SLC26A7: variants seen among roughly 807,000 people sequenced by gnomAD.
SLC26A7 encodes solute carrier family 26 member 7.
In SLC26A7, 59 loss-of-function variants were observed where a neutral mutation model predicts 82.5. The ratio of observed to expected loss-of-function variants is 0.72; its 90% CI spans 0.58 to 0.89. SLC26A7 has a LOEUF of 0.89. Among genes scored for constraint, SLC26A7 ranks in the 40% least tolerant of loss-of-function variants. SLC26A7 has a pLI of 0.00. For missense variants in SLC26A7, 820 were observed against 793.0 expected (o/e 1.03, Z -0.41); for synonymous variants, 271 against 274.3 (o/e 0.99, Z 0.12).
At chr8:91,364,682 T>G (rs995010264) in intron 13 of SLC26A7, among the ~76,000 whole-genome samples, 3 of 152,200 alleles carry the variant, frequency 2.0e-5, no homozygotes, top group African/African-American at 7.2e-5. Flanking sequence ...GCTTTGGATT[T>G]GACTATTTTC....
intron 11 of SLC26A7, among the ~76,000 whole-genome samples, chr8:91,359,876 A>G (rs1294309137): frequency 2.2e-5 from 3 of 139,390 alleles, no homozygotes; most frequent in South Asian, 2.2e-4. Context: ...TATCCAAGAT[A>G]TGTGTGTGTG....
At chr8:91,284,112 G>A (rs1811648155) in intron 2 of SLC26A7, among the ~76,000 whole-genome samples, 1 of 152,146 alleles carries the variant, frequency 6.6e-6, no homozygotes. Flanking sequence ...CAAACTAAAA[G>A]TTTTCCGTTT....
At chr8:91,363,339 T>A in intron 12 of SLC26A7, 133 bp from the exon 13 acceptor site, 1 of 517,564 alleles carries the variant, frequency 1.9e-6, no homozygotes, top group Non-Finnish European at 3.4e-6. Flanking sequence ...TGTCCTCTTA[T>A]GAACAAATGA....
intron 2 of SLC26A7, among the ~76,000 whole-genome samples, chr8:91,240,597 A>G (rs1331554246): frequency 6.6e-6 from 1 of 152,156 alleles, no homozygotes; most frequent in Non-Finnish European, 1.5e-5. Flanking sequence ...TGTCTGAGTT[A>G]TACTTGGGCA....
intron 3 of SLC26A7, among the ~76,000 whole-genome samples, chr8:91,293,598 C>T (rs192080781): frequency 1.8e-4 from 28 of 152,290 alleles, no homozygotes; most frequent in Middle Eastern, 3.4e-3. Flanking sequence ...ATGACTCACA[C>T]GCAGGTGAAG....
intron 5 of SLC26A7, among the ~76,000 whole-genome samples, chr8:91,325,309 A>G (rs1812902356): frequency 6.6e-6 from 1 of 151,350 alleles, no homozygotes; most frequent in Non-Finnish European, 1.5e-5. Flanking sequence ...TAATTCCCCT[A>G]CTCTTCTAGG....
intron 2 of SLC26A7, among the ~76,000 whole-genome samples, chr8:91,257,873 G>A (rs1422970174): frequency 6.6e-6 from 1 of 152,084 alleles, no homozygotes; most frequent in Non-Finnish European, 1.5e-5. Context: ...ATTTAGAAAA[G>A]AGGTTTGATT....
At chr8:91,311,220 C>A (rs1245979055) in intron 4 of SLC26A7, among the ~76,000 whole-genome samples, 1 of 152,110 alleles carries the variant, frequency 6.6e-6, no homozygotes, top group Non-Finnish European at 1.5e-5. Flanking sequence ...TCTTTTGCCA[C>A]CCACTTCAGT....
intron 5 of SLC26A7, among the ~76,000 whole-genome samples, chr8:91,323,421 G>A (rs1377682726): frequency 2.0e-5 from 3 of 152,090 alleles, no homozygotes. Context: ...ACAATTCACT[G>A]AAAAATGCAT....
At chr8:91,360,461 G>T (rs1814018611) in intron 11 of SLC26A7, among the ~76,000 whole-genome samples, 1 of 152,006 alleles carries the variant, frequency 6.6e-6, no homozygotes, top group Non-Finnish European at 1.5e-5. Flanking sequence ...AATGCTGTTG[G>T]GATTTATTCT....
intron 2 of SLC26A7, among the ~76,000 whole-genome samples, chr8:91,220,168 C>T (rs1810135544): frequency 6.6e-6 from 1 of 152,034 alleles, no homozygotes; most frequent in South Asian, 2.1e-4. Context: ...GAGATGGGGC[C>T]TCAAGGTAAC....
chr8:91,219,280 T>G (rs1316729579), intron 2 of SLC26A7: 5 of 243,412 alleles, frequency 2.1e-5, no homozygotes, highest in African/African-American at 8.9e-5. Flanking sequence ...TGCTGTTTTA[T>G]GACTACCACT....
Position 91,388,153 on chromosome 8 carries a change from C to A in SLC26A7, c.1676-1185C>A, listed in dbSNP as rs150341897. Among the ~76,000 whole-genome samples, 631 of 152,180 alleles carry A rather than the reference C, an allele frequency of 4.1e-3. 7 individuals are homozygous for A. Among genetic ancestry groups the A allele is most frequent in the African/African-American group, 0.014 (600 of 41,518 alleles). ...GCAGGATTTTTGTTTTTTTTAGAGACGGAGTCTTGCTCTGTTGCCCAGACT... is the reference window on the plus strand; with the variant it reads ...GCAGGATTTTTGTTTTTTTTAGAGAAGGAGTCTTGCTCTGTTGCCCAGACT... On this transcript the variant is annotated intron_variant, in intron 15 of 18. Coordinates refer to ENST00000276609, the MANE Select transcript of SLC26A7 (RefSeq NM_052832.4).
At chr8:91,338,911 A>G (rs954573762) in intron 7 of SLC26A7, among the ~76,000 whole-genome samples, 1 of 152,180 alleles carries the variant, frequency 6.6e-6, no homozygotes, top group African/African-American at 2.4e-5. Flanking sequence ...CAAAGTTACA[A>G]TTGTTGAATC....
intron 4 of SLC26A7, among the ~76,000 whole-genome samples, chr8:91,317,979 A>C (rs1812687077): frequency 6.8e-6 from 1 of 146,178 alleles, no homozygotes; most frequent in African/African-American, 2.5e-5. Flanking sequence ...AAAAATAAAC[A>C]AAAAAAATAA....
chr8:91,283,934 T>C (rs1811642961), intron 2 of SLC26A7, among the ~76,000 whole-genome samples: 2 of 152,144 alleles, frequency 1.3e-5, no homozygotes. Context: ...TTTTCTACCA[T>C]CGCCGAATGC....
intron 14 of SLC26A7, 150 bp downstream of exon 14, chr8:91,366,867 T>A: frequency 1.1e-6 from 1 of 888,224 alleles, no homozygotes; most frequent in Non-Finnish European, 1.7e-6. Flanking sequence ...TTATTTTAGT[T>A]AATTTTTAGG....
chr8:91,260,931 T>A (rs1810946133), intron 2 of SLC26A7, among the ~76,000 whole-genome samples: 1 of 152,080 alleles, frequency 6.6e-6, no homozygotes, highest in East Asian at 1.9e-4. Context: ...TTATGGTTGT[T>A]GAATATATGT....
intron 5 of SLC26A7, among the ~76,000 whole-genome samples, chr8:91,331,339 A>G (rs1358513353): frequency 6.6e-6 from 1 of 152,152 alleles, no homozygotes; most frequent in Non-Finnish European, 1.5e-5. Context: ...ATTTTGTCTA[A>G]AATAATGAAT....
Sources: gnomAD v4.1 joint callset for allele counts (sites outside exome capture counted in the v4.1 genomes callset) on GRCh38, gnomAD v4.1.1 for gene constraint, MANE v1.5 for transcripts, NCBI Gene and HGNC (gene_info 2026-07-23, HGNC 2026-07-21) for gene names.